The following HCRTR2 variants were observed in gnomAD, a reference collection of about 807,000 sequenced individuals.
HCRTR2 encodes hypocretin receptor 2.
In HCRTR2, 22 loss-of-function variants were observed where a neutral mutation model predicts 49.0. The observed-to-expected ratio is 0.45, with a 90% CI of 0.32 to 0.64. The LOEUF (loss-of-function observed/expected upper bound fraction) is 0.64. HCRTR2 is among the 30% of genes least tolerant of loss of function. The pLI, the probability that HCRTR2 is intolerant of heterozygous loss-of-function variation, is 0.04. For synonymous variants in HCRTR2, 236 were observed against 205.3 expected, an observed-to-expected ratio of 1.15 and a Z score of -1.28; for missense variants, 491 against 559.4, an observed-to-expected ratio of 0.88 and a Z score of 1.23.
chr6:55,113,101 C>A (rs1312434608), intron 1 of HCRTR2, among the ~76,000 whole-genome samples: 1 of 151,884 alleles, frequency 6.6e-6, no homozygotes, highest in African/African-American at 2.4e-5. Flanking sequence ...ACTGGATCCT[C>A]ATTTCTCACC....
intron 3 of HCRTR2, among the ~76,000 whole-genome samples, chr6:55,262,443 T>C (rs1766778873): frequency 7.5e-6 from 1 of 132,710 alleles, no homozygotes; most frequent in South Asian, 2.2e-4. Flanking sequence ...TAAATATCTA[T>C]TAATATATAT....
chr6:55,239,881 G>C (rs915531166), intron 1 of HCRTR2, among the ~76,000 whole-genome samples: 2 of 150,028 alleles, frequency 1.3e-5, no homozygotes, highest in Non-Finnish European at 3.0e-5. Flanking sequence ...GGGTTCAAGC[G>C]ATTCTCCCGC....
intron 2 of HCRTR2, among the ~76,000 whole-genome samples, chr6:55,249,443 G>A (rs1238682939): frequency 1.3e-5 from 2 of 152,056 alleles, no homozygotes; most frequent in Non-Finnish European, 2.9e-5. Flanking sequence ...CCAAATAGTT[G>A]TAATTCACTT....
chr6:55,277,168 C>CT (rs1010454990), intron 4 of HCRTR2, among the ~76,000 whole-genome samples: 15 of 152,020 alleles, frequency 9.9e-5, no homozygotes, highest in Non-Finnish European at 1.5e-4. Context: ...GATGTTTTAA[C>CT]TTTTTTTTCC....
chr6:55,191,725 A>T (rs190658466), intron 1 of HCRTR2, among the ~76,000 whole-genome samples: 1 of 152,278 alleles, frequency 6.6e-6, no homozygotes, highest in Non-Finnish European at 1.5e-5. Context: ...TAAGACAATG[A>T]ATAAAAATCT....
At chr6:55,153,327 T>C (rs1392705280) in intron 1 of HCRTR2, among the ~76,000 whole-genome samples, 1 of 152,016 alleles carries the variant, frequency 6.6e-6, no homozygotes, top group African/African-American at 2.4e-5. Flanking sequence ...GAAACCTAGA[T>C]GGTATAGCTT....
chr6:55,108,670 C>T (rs1238668236), intron 1 of HCRTR2, among the ~76,000 whole-genome samples: 1 of 151,974 alleles, frequency 6.6e-6, no homozygotes, highest in Non-Finnish European at 1.5e-5. Flanking sequence ...CCTAAGGAAG[C>T]CCAGGGAACC....
At chr6:55,143,054 T>C (rs1430210410) in intron 1 of HCRTR2, among the ~76,000 whole-genome samples, 1 of 150,204 alleles carries the variant, frequency 6.7e-6, no homozygotes, top group African/African-American at 2.5e-5. Flanking sequence ...AAACATTATA[T>C]ATAAAAATAA....
chr6:55,213,780 C>G (rs915111836), intron 1 of HCRTR2, among the ~76,000 whole-genome samples: 1 of 152,104 alleles, frequency 6.6e-6, no homozygotes, highest in South Asian at 2.1e-4. Context: ...AATACAAGTG[C>G]TAATTGGGAA....
chr6:55,196,549 G>A (rs1011164535), intron 1 of HCRTR2, among the ~76,000 whole-genome samples: 1 of 152,126 alleles, frequency 6.6e-6, no homozygotes, highest in Non-Finnish European at 1.5e-5. Context: ...AGAGAACCAT[G>A]ATACTAGTTT....
At chr6:55,277,320 C>T (rs1767094626) in intron 4 of HCRTR2, 60 bp from the exon 5 acceptor site, 1 of 1,397,874 alleles carries the variant, frequency 7.2e-7, no homozygotes, top group Non-Finnish European at 1.0e-6. Flanking sequence ...CTAATTACTT[C>T]CCCAAAGTGG....
intron 1 of HCRTR2, among the ~76,000 whole-genome samples, chr6:55,197,331 AC>A (rs1765434914): frequency 1.3e-5 from 2 of 151,976 alleles, no homozygotes; most frequent in African/African-American, 2.4e-5. Context: ...TCCATCTGAA[AC>A]CCTCATCAGA....
intron 1 of HCRTR2, among the ~76,000 whole-genome samples, chr6:55,204,773 C>T (rs1765571928): frequency 6.6e-6 from 1 of 151,944 alleles, no homozygotes; most frequent in Non-Finnish European, 1.5e-5. Flanking sequence ...TCTCCCCTGC[C>T]TTCCCCTCCC....
At chr6:55,121,072 G>T (rs1334667909) in intron 1 of HCRTR2, among the ~76,000 whole-genome samples, 1 of 152,038 alleles carries the variant, frequency 6.6e-6, no homozygotes, top group Non-Finnish European at 1.5e-5. Context: ...GGGCAGTATG[G>T]CCAATTTCAT....
At chr6:55,131,860 G>GA (rs2127246910) in intron 1 of HCRTR2, among the ~76,000 whole-genome samples, 1 of 151,844 alleles carries the variant, frequency 6.6e-6, no homozygotes, top group African/African-American at 2.4e-5. Context: ...AGGAAAATAA[G>GA]AAACTCCTGT....
At chr6:55,180,028 C>T (rs749624532) in intron 1 of HCRTR2, among the ~76,000 whole-genome samples, 25 of 152,222 alleles carry the variant, frequency 1.6e-4, no homozygotes, top group Admixed American at 1.3e-3. Flanking sequence ...GTGAAGCTGA[C>T]GGTATTTGTC....
chr6:55,192,804 T>A (rs1413408919), intron 1 of HCRTR2, among the ~76,000 whole-genome samples: 1 of 152,232 alleles, frequency 6.6e-6, no homozygotes, highest in East Asian at 1.9e-4. Flanking sequence ...TATCCTGTAG[T>A]TGTTGCCCAT....
Position 55,241,044 on chromosome 6 carries a change from AC to A in HCRTR2, c.224-7594del, listed in dbSNP as rs572586699. ...ATGTGCAGGTTAGTTACATATGTATACATGTGCCATGCTGGTGTGCTGCACC... is the reference window on the plus strand; with the variant it reads ...ATGTGCAGGTTAGTTACATATGTATAATGTGCCATGCTGGTGTGCTGCACC... On this transcript the variant is annotated intron_variant, in intron 1 of 6. Coordinates refer to ENST00000370862, the MANE Select transcript of HCRTR2 (RefSeq NM_001384272.1). Among the ~76,000 whole-genome samples, 183 of 151,476 alleles carry A rather than the reference AC, an allele frequency of 1.2e-3. 1 individual carries two copies. The highest frequency in any genetic ancestry group is 1.6e-3 in the Non-Finnish European group (107 of 67,882).
intron 4 of HCRTR2, among the ~76,000 whole-genome samples, chr6:55,274,239 GTATATATA>G (rs61667408): frequency 8.4e-6 from 1 of 119,510 alleles, no homozygotes; most frequent in African/African-American, 3.0e-5. Context: ...ATCATTTTCA[GTATATATA>G]TATATATATA....
Sources: allele counts gnomAD v4.1 joint callset (sites outside exome capture counted in the v4.1 genomes callset), GRCh38; gene constraint gnomAD v4.1.1; transcripts MANE v1.5; gene names NCBI Gene and HGNC (gene_info 2026-07-23, HGNC 2026-07-21).